The following CACNB4 variants were observed in gnomAD, a reference collection of about 807,000 sequenced individuals.
The protein encoded by CACNB4 is voltage-dependent L-type calcium channel subunit beta-4.
A neutral mutation model predicts 71.2 loss-of-function variants in CACNB4; 32 were observed. The observed-to-expected ratio is 0.45, with a 90% CI of 0.34 to 0.60. CACNB4 has a LOEUF of 0.60. CACNB4 is among the 20% of genes least tolerant of loss of function. The pLI, the probability that CACNB4 is intolerant of heterozygous loss-of-function variation, is 0.01. For missense variants in CACNB4, 464 were observed against 647.9 expected, an observed-to-expected ratio of 0.72 and a Z score of 3.08; for synonymous variants, 231 against 236.9, an observed-to-expected ratio of 0.97 and a Z score of 0.23.
At chr2:151,903,619 A>G (rs1254427572) in intron 2 of CACNB4, among the ~76,000 whole-genome samples, 1 of 152,224 alleles carries the variant, frequency 6.6e-6, no homozygotes. Flanking sequence ...CCCATCTTTT[A>G]TCTTTCTCCT....
At chr2:151,957,257 C>CGTGTATGTATGTGTGTGTGT (rs3068823) in intron 2 of CACNB4, among the ~76,000 whole-genome samples, 1 of 131,786 alleles carries the variant, frequency 7.6e-6, no homozygotes, top group Admixed American at 7.8e-5. Context: ...AGTGGCTGGG[C>CGTGTATGTATGTGTGTGTGT]GTGTGTGTGT....
At chr2:151,907,481 T>C (rs1346583320) in intron 2 of CACNB4, among the ~76,000 whole-genome samples, 7 of 152,188 alleles carry the variant, frequency 4.6e-5, no homozygotes, top group African/African-American at 1.7e-4. Flanking sequence ...TTTCCCCTAA[T>C]GTTAACACCT....
At chr2:151,903,579 C>T (rs1388274017) in intron 2 of CACNB4, among the ~76,000 whole-genome samples, 1 of 152,126 alleles carries the variant, frequency 6.6e-6, no homozygotes, top group Non-Finnish European at 1.5e-5. Context: ...ATTAAAGTGA[C>T]ATTTGAAATT....
intron 10 of CACNB4, chr2:151,860,294 A>G (rs1320672095): frequency 4.8e-6 from 1 of 208,688 alleles, no homozygotes; most frequent in African/African-American, 2.4e-5. Context: ...GCCATTCACA[A>G]CACCAAGAAC....
At chr2:152,005,091 G>T (rs1212703443) in intron 2 of CACNB4, among the ~76,000 whole-genome samples, 1 of 152,166 alleles carries the variant, frequency 6.6e-6, no homozygotes, top group Non-Finnish European at 1.5e-5. Flanking sequence ...AATTAGTTCA[G>T]CCCCTGTGGA....
intron 2 of CACNB4, among the ~76,000 whole-genome samples, chr2:152,048,255 C>T (rs1023170341): frequency 6.6e-6 from 1 of 152,148 alleles, no homozygotes; most frequent in African/African-American, 2.4e-5. Context: ...CCAAAAGTTC[C>T]CTGGGGGGCA....
At chr2:151,849,188 G>A (rs1402960008) in intron 12 of CACNB4, among the ~76,000 whole-genome samples, 1 of 152,132 alleles carries the variant, frequency 6.6e-6, no homozygotes, top group Non-Finnish European at 1.5e-5. Context: ...ATTTTAAATG[G>A]TCACAAATTC....
At chr2:151,899,085 C>T (rs2099852766) in intron 2 of CACNB4, among the ~76,000 whole-genome samples, 1 of 152,226 alleles carries the variant, frequency 6.6e-6, no homozygotes, top group South Asian at 2.1e-4. Flanking sequence ...AGAGGACAGT[C>T]CTGAGGATGA....
Position 151,839,242 on chromosome 2 carries a change from A to C in CACNB4, c.1440T>G (p.His480Gln), listed in dbSNP as rs765688685. The change falls in exon 14 of 14, where the codon CAT becomes CAG. Residue 480 changes from histidine to glutamine, a missense_variant. His to Gln is a conservative substitution (Grantham distance 24). Coordinates refer to ENST00000539935, the MANE Select transcript of CACNB4 (RefSeq NM_000726.5). Reference sequence around the variant, plus strand: ...CCACAAGAGGGTAATGATCTCGGCTATGCTGAGAACTGGAAGACAAGCGGT... The same window carrying C: ...CCACAAGAGGGTAATGATCTCGGCTCTGCTGAGAACTGGAAGACAAGCGGT... ...SRNRLSSSSQ[H>Q]SRDHYPLVEE... The C allele has an allele frequency of 6.2e-7, 1 of 1,613,478 alleles. No individual in the cohort carries two copies. The highest frequency in any genetic ancestry group is 1.3e-5 in the African/African-American group (1 of 74,932).
chr2:152,099,140 C>CA (rs1688455460), upstream of CACNB4: 1 of 557,308 alleles, frequency 1.8e-6, no homozygotes, highest in Non-Finnish European at 3.1e-6. Context: ...CGCCGGCGCC[C>CA]AGGCTCCCTG....
At chr2:151,898,606 T>C (rs1001307589) in intron 2 of CACNB4, among the ~76,000 whole-genome samples, 83 of 152,358 alleles carry the variant, frequency 5.4e-4, no homozygotes, top group African/African-American at 1.9e-3. Flanking sequence ...TCCTTTTACT[T>C]AGCTATTTTT....
chr2:152,042,001 GAA>G (rs1415537836), intron 2 of CACNB4, among the ~76,000 whole-genome samples: 1 of 152,198 alleles, frequency 6.6e-6, no homozygotes, highest in Admixed American at 6.5e-5. Flanking sequence ...AGGAGTGAAA[GAA>G]AGAGCAAACT....
At chr2:152,029,517 GA>G (rs1387759622) in intron 2 of CACNB4, among the ~76,000 whole-genome samples, 3 of 120,852 alleles carry the variant, frequency 2.5e-5, no homozygotes, top group African/African-American at 1.6e-4. Context: ...AAAAAGAAAA[GA>G]AAAGAAAAGA....
chr2:152,046,820 A>G (rs1364711858), intron 2 of CACNB4, among the ~76,000 whole-genome samples: 7 of 152,172 alleles, frequency 4.6e-5, no homozygotes, highest in Admixed American at 2.6e-4. Context: ...AGCTTGTCCA[A>G]GCTCAAGTAT....
At chr2:151,950,891 T>TGGC (rs2099866767) in intron 2 of CACNB4, among the ~76,000 whole-genome samples, 2 of 152,202 alleles carry the variant, frequency 1.3e-5, no homozygotes, top group African/African-American at 4.8e-5. Flanking sequence ...ATAGAGGTGG[T>TGGC]GGTCAGACAA....
intron 2 of CACNB4, among the ~76,000 whole-genome samples, chr2:151,950,961 G>T (rs965309725): frequency 6.6e-6 from 1 of 151,808 alleles, no homozygotes. Context: ...TTTTTGAGAC[G>T]GAGTCTTGCT....
chr2:152,000,380 C>T (rs962852991), intron 2 of CACNB4, among the ~76,000 whole-genome samples: 2 of 152,204 alleles, frequency 1.3e-5, no homozygotes, highest in African/African-American at 2.4e-5. Flanking sequence ...CACCCTGCAT[C>T]TAGTCTTCTC....
intron 2 of CACNB4, among the ~76,000 whole-genome samples, chr2:151,959,728 G>T (rs998447942): frequency 1.3e-5 from 2 of 151,824 alleles, no homozygotes; most frequent in Non-Finnish European, 2.9e-5. Context: ...TTTGGAATGT[G>T]GGAGGAACAA....
At chr2:151,943,596 G>A (rs915900568) in intron 2 of CACNB4, among the ~76,000 whole-genome samples, 5 of 152,182 alleles carry the variant, frequency 3.3e-5, no homozygotes, top group Admixed American at 1.3e-4. Context: ...GAAAGGGAAT[G>A]TGGTTTTAAC....
Sources: gnomAD v4.1 joint callset for allele counts (sites outside exome capture counted in the v4.1 genomes callset) on GRCh38, gnomAD v4.1.1 for gene constraint, MANE v1.5 for transcripts, NCBI Gene and HGNC (gene_info 2026-07-23, HGNC 2026-07-21) for gene names.